IKBKE: variants seen among roughly 807,000 people sequenced by gnomAD.
IKBKE encodes inhibitor of nuclear factor kappa-B kinase subunit epsilon.
IKBKE carries 45 observed loss-of-function variants against 92.1 expected under a neutral mutation model. The observed-to-expected ratio is 0.49, with a 90% CI of 0.38 to 0.63. The LOEUF is 0.63. IKBKE is among the 20% of genes least tolerant of loss of function. The pLI is 0.00. For synonymous variants in IKBKE, 374 were observed against 380.3 expected, an observed-to-expected ratio of 0.98 and a Z score of 0.19; for missense variants, 700 against 932.8, an observed-to-expected ratio of 0.75 and a Z score of 3.25.
intron 21 of IKBKE, 48 bp downstream of exon 21, chr1:206,494,039 C>T (rs782008867): frequency 6.5e-7 from 1 of 1,540,606 alleles, no homozygotes; most frequent in South Asian, 1.1e-5. Context: ...CTTCAAGCTA[C>T]CCTTGCCTGG....
Position 206,493,922 on chromosome 1 carries a change from T to A in IKBKE, c.2048T>A (p.Met683Lys). 6.2e-7 allele frequency: 1 copy of A among 1,614,002 alleles called. No homozygotes were observed. Among genetic ancestry groups the A allele is most frequent in the Non-Finnish European group, 8.5e-7 (1 of 1,179,904 alleles). The change falls in exon 21 of 22, where the codon ATG becomes AAG. Residue 683 changes from methionine (M) to lysine (K), a missense_variant and splice_region_variant. Coordinates refer to ENST00000581977, the MANE Select transcript of IKBKE (RefSeq NM_014002.4). ...SPTRKDLLLH[M>K]QELCEGMKLL... ...TCTCCTGCCTCTGCCTTGGGCAGCA[T>A]GCAAGAGCTCTGCGAGGGGATGAAG...
In IKBKE at chr1:206,474,377, A is replaced by T. The variant is rs782264666; in HGVS notation, c.134A>T (p.Tyr45Phe). 51 of 1,614,122 alleles carry T rather than the reference A, an allele frequency of 3.2e-5. No homozygotes were observed. In the South Asian group the frequency reaches 4.8e-4, roughly 15 times the overall value. ...GTGAAGGTCTTCAACACTACCAGCT[A>T]CCTGCGGCCCCGCGAGGTGCAGGTG... ...VAVKVFNTTSYLRPREVQVRE... is the reference protein window; with the variant it reads ...VAVKVFNTTSFLRPREVQVRE... Residue 45 changes from tyrosine to phenylalanine, a missense_variant, in exon 4 of 22, where the codon TAC (tyrosine) becomes TTC (phenylalanine). Tyr to Phe is a conservative substitution (Grantham distance 22). Coordinates refer to ENST00000581977, the MANE Select transcript of IKBKE (RefSeq NM_014002.4).
At chr1:206,488,076 G>A in intron 16 of IKBKE, 86 bp downstream of exon 16, 8 of 996,186 alleles carry the variant, frequency 8.0e-6, no homozygotes, top group South Asian at 1.4e-5. Context: ...GCTACCAGTG[G>A]CCACTAACCT....
In IKBKE at chr1:206,493,427, C is replaced by T. The variant is rs782424858; in HGVS notation, c.2045+49C>T. The T allele has an allele frequency of 2.2e-6, 3 of 1,386,912 alleles. No individual in the cohort carries two copies. In the Admixed American group the frequency reaches 5.1e-5, roughly 23 times the overall value. The allele number at this position is 1,386,912 out of a possible 1,614,324, so 85.9% of individuals were successfully genotyped here. On this transcript the variant is annotated intron_variant, in intron 20 of 21. Coordinates refer to ENST00000581977, the MANE Select transcript of IKBKE (RefSeq NM_014002.4). ...TGTGTATCTGTGTGGAAGGGGGTTG[C>T]AGGGAGCAGAGTATGCTGAGGTTAG...
intron 15 of IKBKE, among the ~76,000 whole-genome samples, chr1:206,486,699 T>C (rs1572258265): frequency 6.8e-6 from 1 of 147,434 alleles, no homozygotes; most frequent in East Asian, 2.0e-4. Flanking sequence ...ATCTGAGCCC[T>C]GTCCTTTTGG....
In IKBKE at chr1:206,480,531, G is replaced by A. The variant is rs781813109; in HGVS notation, c.1425G>A (p.Glu475=). ...LLYLSSSLGT[E]RFSSVAGTPE... is the part of the protein sequence containing the mutation. ...ACCTCAGCAGCAGCCTGGGAACTGA[G>A]AGGTGGGTGTTCGCCTCAGGCCAGC... Residue 475 remains glutamate (E), a splice_region_variant and synonymous_variant, in exon 13 of 22, where the codon GAG becomes GAA. Transcript: ENST00000581977. 3.0e-5 allele frequency: 49 copies of A among 1,612,394 alleles called. No homozygotes were observed. The highest frequency in any genetic ancestry group is 1.2e-4 in the Admixed American group (7 of 59,918).
At chr1:206,473,962 A>G (rs1664917126) in intron 3 of IKBKE, among the ~76,000 whole-genome samples, 1 of 59,718 alleles carries the variant, frequency 1.7e-5, no homozygotes, top group African/African-American at 8.3e-5. Flanking sequence ...CTCCGTCTCA[A>G]AAAAAAAAAA....
At chr1:206,479,647 T>G (rs941189047) in intron 10 of IKBKE, among the ~76,000 whole-genome samples, 1 of 152,210 alleles carries the variant, frequency 6.6e-6, no homozygotes, top group African/African-American at 2.4e-5. Context: ...CATTTTCAGC[T>G]CTTGGACATG....
chr1:206,484,085 T>C (rs1309463754), intron 13 of IKBKE, among the ~76,000 whole-genome samples: 1 of 139,860 alleles, frequency 7.2e-6, no homozygotes, highest in Non-Finnish European at 1.6e-5. Flanking sequence ...CCACCATGCC[T>C]GGCTTTTATT....
intron 3 of IKBKE, 56 bp downstream of exon 3, chr1:206,473,370 T>C: frequency 2.2e-6 from 3 of 1,343,360 alleles, no homozygotes; most frequent in Non-Finnish European, 3.1e-6. Context: ...CCCTCATGCC[T>C]CAGAAGCTGG....
chr1:206,483,835 G>C (rs1665517571), intron 13 of IKBKE, among the ~76,000 whole-genome samples: 1 of 152,138 alleles, frequency 6.6e-6, no homozygotes. Flanking sequence ...GATCACATCT[G>C]CTGTCCCACC....
rs1001347636 is a variant in IKBKE, at chr1:206,485,774, G to A, written c.1616+468G>A. 2.6e-5 allele frequency among the ~76,000 whole-genome samples: 4 copies of A among 152,182 alleles called. No homozygotes were observed. The highest frequency in any genetic ancestry group is 5.9e-5 in the Non-Finnish European group (4 of 68,026). On this transcript the variant is annotated intron_variant, in intron 15 of 21. Transcript: ENST00000581977. This position sits in a 1 kb window ranked among gnomAD's most constrained non-coding sequence, Gnocchi z 5.0. ...AAATGACAGAGGTGGCTTCAGGTCG[G>A]GTCTGTCCACCTCCAAAGCCTATGT...
At chr1:206,475,565 T>A (rs1053809966) in intron 5 of IKBKE, among the ~76,000 whole-genome samples, 5 of 152,046 alleles carry the variant, frequency 3.3e-5, no homozygotes, top group Admixed American at 3.3e-4. Flanking sequence ...TGAAACCCTG[T>A]CTCTACTAAA....
chr1:206,473,394 C>T (rs922321575), intron 3 of IKBKE, 80 bp downstream of exon 3: 3 of 1,026,692 alleles, frequency 2.9e-6, no homozygotes, highest in Non-Finnish European at 4.4e-6. Context: ...AGTCAGCCCC[C>T]AGTGGGCATT....
In IKBKE at chr1:206,476,882, C is replaced by T. The variant is rs1490028300; in HGVS notation, c.701+44C>T. 13 of 1,604,958 alleles carry T rather than the reference C, an allele frequency of 8.1e-6. 1 individual carries two copies. The South Asian group carries it at 1.4e-4, about 18-fold the overall frequency. On this transcript the variant is annotated intron_variant, in intron 7 of 21. Transcript: ENST00000581977. This position sits in a 1 kb window ranked among gnomAD's most constrained non-coding sequence, Gnocchi z 5.1. Reference sequence around the variant, plus strand: ...CAGGGAATGGGGCGGACTGGCAGTCCCCTGGCCCTTCCCCCACCGGTCCTT... The same window carrying T: ...CAGGGAATGGGGCGGACTGGCAGTCTCCTGGCCCTTCCCCCACCGGTCCTT...
intron 10 of IKBKE, among the ~76,000 whole-genome samples, 169 bp from the exon 11 acceptor site, chr1:206,479,701 T>C (rs1446153909): frequency 3.9e-5 from 6 of 152,136 alleles, no homozygotes; most frequent in Non-Finnish European, 7.4e-5. Context: ...CAGTGAGGGA[T>C]CACAACTTTA....
chr1:206,488,568 G>A (rs529063369), intron 16 of IKBKE, among the ~76,000 whole-genome samples: 38 of 152,266 alleles, frequency 2.5e-4, no homozygotes, highest in African/African-American at 8.4e-4. Flanking sequence ...GTGGGGTAGT[G>A]CAAGGGTGGG....
chr1:206,474,791 G>A (rs1553384766), intron 4 of IKBKE, 74 bp from the exon 5 acceptor site: 1 of 1,559,202 alleles, frequency 6.4e-7, no homozygotes, highest in Non-Finnish European at 8.7e-7. Context: ...TGGGCTCCAG[G>A]CTGAGCCACT....
rs1410830322 is a variant in IKBKE at position 206,478,269 on chromosome 1, C to G, written c.922C>G (p.Arg308Gly). 6.2e-7 allele frequency: 1 copy of G among 1,614,010 alleles called. No homozygotes were observed. The highest frequency in any genetic ancestry group is 1.3e-5 in the African/African-American group (1 of 74,916). The change falls in exon 9 of 22, where the codon CGA (arginine) becomes GGA (glycine). Residue 308 changes from arginine (R) to glycine (G), a missense_variant. Transcript: ENST00000581977. This position sits in a 1 kb window ranked among gnomAD's most constrained non-coding sequence, Gnocchi z 4.8. ...FFAETSDILQ[R>G]VVVHVFSLSQ... ...TGCGGAGACCAGTGACATCCTGCAG[C>G]GAGTTGTCGTCCATGTCTTCTCCCT...
Sources: gnomAD v4.1 joint callset for allele counts (sites outside exome capture counted in the v4.1 genomes callset) on GRCh38, gnomAD v4.1.1 for gene constraint, Gnocchi (gnomAD v3.1) non-coding constraint, MANE v1.5 for transcripts, NCBI Gene and HGNC (gene_info 2026-07-23, HGNC 2026-07-21) for gene names.